KITLG: variants seen among roughly 807,000 people sequenced by gnomAD.
KITLG encodes the protein c-Kit ligand.
Under a neutral mutation model 34.1 loss-of-function variants are expected in KITLG, and 13 were observed. That is an observed-to-expected ratio of 0.38 (90% CI 0.25 to 0.61). KITLG has a LOEUF of 0.61. KITLG is among the 20% of genes least tolerant of loss of function. The probability of loss-of-function intolerance (pLI) is 0.60; values close to 1 mark genes in which losing one functional copy is unlikely to be tolerated. For synonymous variants in KITLG, 110 were observed against 104.0 expected (o/e 1.06, Z -0.35); for missense variants, 292 against 318.9 (o/e 0.92, Z 0.64).
At chr12:88,575,517 A>G (rs1404350005) in intron 1 of KITLG, among the ~76,000 whole-genome samples, 2 of 152,188 alleles carry the variant, frequency 1.3e-5, no homozygotes, top group African/African-American at 4.8e-5. Flanking sequence ...GTATACCCAT[A>G]ATTAAGTGAA....
Position 88,494,107 on chromosome 12 carries a change from T to TA in KITLG, c.*3111dup, listed in dbSNP as rs1304155848. ...TCTCTGAGTTTACCATATAGATAAA[T>TA]AAAAAATTGAGACCCAAAGAAGAGA... On this transcript the variant is annotated 3_prime_UTR_variant, in exon 10 of 10. Transcript: ENST00000644744. The TA allele has an allele frequency of 6.6e-6, 1 of 151,754 alleles. No individual in the cohort carries two copies. Among genetic ancestry groups the TA allele is most frequent in the African/African-American group, 2.4e-5 (1 of 41,386 alleles). 9.4% of individuals were successfully genotyped at this position (151,754 alleles called of 1,614,324 possible). A position where few individuals can be genotyped will look rare whatever the true frequency, so the allele number is the denominator to read the frequency against.
chr12:88,544,624 ACTGATACAT>A (rs1380504835), intron 2 of KITLG, among the ~76,000 whole-genome samples: 1 of 152,110 alleles, frequency 6.6e-6, no homozygotes, highest in Non-Finnish European at 1.5e-5. Context: ...AGTAAGACAT[ACTGATACAT>A]CTGCTGCTGC....
intron 1 of KITLG, among the ~76,000 whole-genome samples, chr12:88,565,847 CAT>C (rs1871425733): frequency 1.3e-5 from 2 of 152,116 alleles, no homozygotes; most frequent in African/African-American, 4.8e-5. Flanking sequence ...AATCAGGAGA[CAT>C]AAAGTATGTA....
chr12:88,508,320 C>T (rs572414545), intron 6 of KITLG, among the ~76,000 whole-genome samples: 220 of 152,158 alleles, frequency 1.4e-3, no homozygotes, highest in African/African-American at 5.2e-3. Context: ...ATACAAAGTA[C>T]CTAGAGTACA....
At chr12:88,550,405 A>G (rs150018802) in intron 1 of KITLG, among the ~76,000 whole-genome samples, 1 of 126,390 alleles carries the variant, frequency 7.9e-6, no homozygotes, top group Non-Finnish European at 1.8e-5. Context: ...TCAGTTCTCA[A>G]GTAGGAAGTG....
chr12:88,573,738 G>C (rs1871734425), intron 1 of KITLG, among the ~76,000 whole-genome samples: 1 of 152,194 alleles, frequency 6.6e-6, no homozygotes, highest in African/African-American at 2.4e-5. Context: ...TTTGCACAGG[G>C]ATGCAATTAT....
chr12:88,544,738 G>A (rs1466868411), intron 2 of KITLG, among the ~76,000 whole-genome samples: 2 of 152,062 alleles, frequency 1.3e-5, no homozygotes, highest in Non-Finnish European at 2.9e-5. Flanking sequence ...TTGAGGCTAA[G>A]CTAGCAAGAC....
At chr12:88,512,871 T>A (rs1404095685) in intron 6 of KITLG, among the ~76,000 whole-genome samples, 1 of 151,746 alleles carries the variant, frequency 6.6e-6, no homozygotes, top group African/African-American at 2.4e-5. Flanking sequence ...TGCCAGCAGA[T>A]CTGTATTATA....
intron 3 of KITLG, among the ~76,000 whole-genome samples, chr12:88,520,202 T>C (rs373393060): frequency 5.3e-5 from 8 of 152,332 alleles, no homozygotes; most frequent in African/African-American, 1.9e-4. Context: ...TTCCAAAGTA[T>C]GTGCAGAACA....
intron 1 of KITLG, among the ~76,000 whole-genome samples, chr12:88,567,904 A>G (rs919526243): frequency 1.3e-5 from 2 of 152,246 alleles, no homozygotes; most frequent in African/African-American, 4.8e-5. Flanking sequence ...AGATGATTCC[A>G]GATTTATGAG....
chr12:88,568,306 TTTA>T (rs1462665096), intron 1 of KITLG, among the ~76,000 whole-genome samples: 1 of 124,076 alleles, frequency 8.1e-6, no homozygotes, highest in Admixed American at 8.7e-5. Context: ...TATTTATTTA[TTTA>T]TTTATTTATT....
At chr12:88,516,991 G>A (rs933547624) in intron 4 of KITLG, among the ~76,000 whole-genome samples, 1 of 151,888 alleles carries the variant, frequency 6.6e-6, no homozygotes, top group Non-Finnish European at 1.5e-5. Context: ...AGTTAGACAT[G>A]TGACCATCCT....
intron 9 of KITLG, among the ~76,000 whole-genome samples, chr12:88,501,176 CT>C (rs1868842603): frequency 6.6e-6 from 1 of 152,148 alleles, no homozygotes; most frequent in Admixed American, 6.5e-5. Context: ...AACCCTCCTT[CT>C]TTTCATTTTC....
intron 2 of KITLG, among the ~76,000 whole-genome samples, chr12:88,545,366 G>A (rs1170118598): frequency 1.3e-5 from 2 of 152,186 alleles, no homozygotes; most frequent in Non-Finnish European, 2.9e-5. Context: ...ACTTTTTAAA[G>A]AAGAGTAGGA....
intron 2 of KITLG, among the ~76,000 whole-genome samples, chr12:88,534,304 T>G (rs1870221364): frequency 6.6e-6 from 1 of 152,110 alleles, no homozygotes; most frequent in South Asian, 2.1e-4. Context: ...TTCTGGGTAT[T>G]TTCCACTTGT....
chr12:88,527,825 C>CA (rs1448267685), intron 3 of KITLG, among the ~76,000 whole-genome samples: 1 of 152,118 alleles, frequency 6.6e-6, no homozygotes, highest in Admixed American at 6.5e-5. Flanking sequence ...GCATAAGCTC[C>CA]ACAGAAGCAT....
chr12:88,537,404 C>T (rs1451395143), intron 2 of KITLG, among the ~76,000 whole-genome samples: 7 of 151,980 alleles, frequency 4.6e-5, no homozygotes, highest in Non-Finnish European at 1.0e-4. Context: ...CATGTTCTCA[C>T]TTACAAGTGG....
In KITLG at chr12:88,495,490, A is replaced by G. The variant is rs1868606870; in HGVS notation, c.*1729T>C. ...CAGCTTCTCAAAGCACCTGGGTTAT[A>G]TCTTAGAGAAATTACTCATATTTAA... On this transcript the variant is annotated 3_prime_UTR_variant, in exon 10 of 10. Transcript: ENST00000644744. 1 of 152,510 alleles carries G rather than the reference A, an allele frequency of 6.6e-6. No homozygotes were observed. The allele number at this position is 152,510 out of a possible 1,614,324, so 9.4% of individuals were successfully genotyped here. A position where few individuals can be genotyped will look rare whatever the true frequency, so the allele number is the denominator to read the frequency against.
intron 1 of KITLG, among the ~76,000 whole-genome samples, chr12:88,579,069 T>C (rs769337743): frequency 1.7e-4 from 26 of 152,152 alleles, no homozygotes; most frequent in Admixed American, 3.3e-4. Context: ...CAATGTCCCT[T>C]TCCCCTGCCT....
Sources: gnomAD v4.1 joint callset for allele counts (sites outside exome capture counted in the v4.1 genomes callset) on GRCh38, gnomAD v4.1.1 for gene constraint, MANE v1.5 for transcripts, NCBI Gene and HGNC (gene_info 2026-07-23, HGNC 2026-07-21) for gene names.